Variants in LIFR observed in about 807,000 individuals in gnomAD.
LIFR encodes the protein leukemia inhibitory factor receptor.
Under a neutral mutation model 122.2 loss-of-function variants are expected in LIFR, and 84 were observed. That is an observed-to-expected ratio of 0.69 (90% CI 0.58 to 0.82). The LOEUF is 0.82. LIFR is among the 40% of genes least tolerant of loss of function. The probability of loss-of-function intolerance (pLI) is 0.00; values close to 1 mark genes in which losing one functional copy is unlikely to be tolerated. For synonymous variants in LIFR, 422 were observed against 434.7 expected (o/e 0.97, Z 0.36); for missense variants, 1,294 against 1,311.6 (o/e 0.99, Z 0.21).
At chr5:38,527,495 T>C (rs1034810450) in intron 3 of LIFR, among the ~76,000 whole-genome samples, 2 of 152,218 alleles carry the variant, frequency 1.3e-5, no homozygotes, top group South Asian at 2.1e-4. Flanking sequence ...AACAACCTCA[T>C]TGTACCAAAA....
At chr5:38,583,226 T>G (rs1197035582) in intron 1 of LIFR, among the ~76,000 whole-genome samples, 1 of 152,248 alleles carries the variant, frequency 6.6e-6, no homozygotes, top group South Asian at 2.1e-4. Context: ...TAACACTTTT[T>G]TGATCTTGCA....
Position 38,529,341 on chromosome 5 carries a change from A to G in LIFR, c.143-501T>C, listed in dbSNP as rs528342053. On this transcript the variant is annotated intron_variant, in intron 2 of 19. Coordinates refer to ENST00000453190, the MANE Select transcript of LIFR (RefSeq NM_001127671.2). Reference sequence around the variant, plus strand: ...TTCCAAGTTTTTAAACAAAACTTTGAAACTCCTAGTCACCCCCACCTCATT... The same window carrying G: ...TTCCAAGTTTTTAAACAAAACTTTGGAACTCCTAGTCACCCCCACCTCATT... 2.0e-5 allele frequency among the ~76,000 whole-genome samples: 3 copies of G among 152,274 alleles called. No homozygotes were observed. In the South Asian group the frequency reaches 6.2e-4, roughly 32 times the overall value.
chr5:38,530,776 A>AT (rs1746964027), intron 1 of LIFR, 110 bp from the exon 2 acceptor site: 1 of 999,290 alleles, frequency 1.0e-6, no homozygotes, highest in East Asian at 2.4e-5. Flanking sequence ...AACACTGTAC[A>AT]TTTAGAGACT....
At chr5:38,600,664 C>T (rs895193781) in intron 2 of LIFR, among the ~76,000 whole-genome samples, 3 of 152,168 alleles carry the variant, frequency 2.0e-5, no homozygotes, top group Non-Finnish European at 4.4e-5. Context: ...TTACTTTCAG[C>T]CTCCCTTCCT....
intron 1 of LIFR, among the ~76,000 whole-genome samples, chr5:38,550,804 G>A (rs1314325772): frequency 2.0e-5 from 3 of 152,134 alleles, no homozygotes; most frequent in African/African-American, 7.2e-5. Flanking sequence ...TGGTTACACT[G>A]CCAATCAGGA....
rs376744831 is a variant in LIFR at position 38,475,617 on chromosome 5, AAAAC to A, written c.*5974_*5977del. 17 of 186,464 alleles carry A rather than the reference AAAAC, an allele frequency of 9.1e-5. No individual in the cohort carries two copies. In the East Asian group the frequency reaches 1.4e-3, roughly 16 times the overall value. The allele number at this position is 186,464 out of a possible 1,614,324, so 11.6% of individuals were successfully genotyped here. A position where few individuals can be genotyped will look rare whatever the true frequency, so the allele number is the denominator to read the frequency against. On this transcript the variant is annotated 3_prime_UTR_variant, in exon 20 of 20. Transcript: ENST00000453190. Reference sequence around the variant, plus strand: ...TTTAACATATAATACTCACTTTAAAAAAACATTCATTCTACAAACCTTATAAAAG... The same window carrying A: ...TTTAACATATAATACTCACTTTAAAAATTCATTCTACAAACCTTATAAAAG...
At chr5:38,529,949 C>T (rs547705110) in intron 2 of LIFR, among the ~76,000 whole-genome samples, 2 of 151,948 alleles carry the variant, frequency 1.3e-5, no homozygotes, top group Admixed American at 6.6e-5. Flanking sequence ...ACTAAACCAA[C>T]GGGCAGGAGG....
chr5:38,517,100 A>C (rs991417947), intron 5 of LIFR, among the ~76,000 whole-genome samples: 1 of 152,126 alleles, frequency 6.6e-6, no homozygotes, highest in Non-Finnish European at 1.5e-5. Flanking sequence ...AGAAATACCG[A>C]ATGTAGATGA....
In LIFR at chr5:38,510,707, A is replaced by T; in HGVS notation, c.748T>A (p.Ser250Thr). ...TCTTGAGGAAAAACCTTAGTCTGAG[A>T]ATCAGGTATCCCTAGAAAGAAAAAG... ...PVKNISWIPD[S>T]QTKVFPQDKV... Residue 250 changes from serine (S) to threonine (T), a missense_variant, in exon 7 of 20, where the codon TCT becomes ACT. By Grantham distance (58) the Ser-to-Thr change is moderately conservative. Transcript: ENST00000453190. The T allele has an allele frequency of 6.2e-7, 1 of 1,611,100 alleles. No homozygotes were observed. The highest frequency in any genetic ancestry group is 8.5e-7 in the Non-Finnish European group (1 of 1,177,514).
intron 14 of LIFR, among the ~76,000 whole-genome samples, chr5:38,491,562 G>T (rs1744596790): frequency 6.6e-6 from 1 of 152,210 alleles, no homozygotes; most frequent in Non-Finnish European, 1.5e-5. Flanking sequence ...GCAGCATATG[G>T]CATTGCATTT....
intron 1 of LIFR, among the ~76,000 whole-genome samples, chr5:38,588,825 A>G (rs935576356): frequency 6.6e-6 from 1 of 152,140 alleles, no homozygotes. Context: ...TAGAACTGGA[A>G]TTACTCTAGA....
At chr5:38,564,455 G>A (rs1748939484) in intron 1 of LIFR, among the ~76,000 whole-genome samples, 1 of 151,750 alleles carries the variant, frequency 6.6e-6, no homozygotes, top group Admixed American at 6.6e-5. Context: ...GGGCTCAAAG[G>A]ATCCTCCCAT....
At position 38,485,871 on chromosome 5, in the gene LIFR, T is replaced by C. The variant is rs570053542; in HGVS notation, c.2445A>G (p.Thr815=). ...TSYHLVLRAY[T]DGGVGPEKSM... is the part of the protein sequence containing the mutation. ...TCTTCTCCGGGCCCACTCCACCATCTGTATAGGCTCGCAAGACCAGGTGGT... is the reference window on the plus strand; with the variant it reads ...TCTTCTCCGGGCCCACTCCACCATCCGTATAGGCTCGCAAGACCAGGTGGT... The change falls in exon 17 of 20, where the codon ACA becomes ACG. Residue 815 remains threonine (T), a synonymous_variant. Transcript: ENST00000453190. 21 of 1,614,194 alleles carry C rather than the reference T, an allele frequency of 1.3e-5. No individual in the cohort carries two copies. The East Asian group carries it at 4.2e-4, about 33-fold the overall frequency.
rs1375275652 is a variant in LIFR at position 38,475,361 on chromosome 5, T to C, written c.*6234A>G. 5.1e-6 allele frequency: 1 copy of C among 197,124 alleles called. No individual in the cohort carries two copies. The highest frequency in any genetic ancestry group is 8.1e-5 in the East Asian group (1 of 12,388). 12.2% of individuals were successfully genotyped at this position (197,124 alleles called of 1,614,324 possible). ...CTTCATCTATAGTTTTCTTCCTGTA[T>C]AAGTGTATTGAAATGTTTCCTTATA... On this transcript the variant is annotated 3_prime_UTR_variant, in exon 20 of 20. Transcript: ENST00000453190.
chr5:38,559,756 G>A (rs1369713124), upstream of LIFR, among the ~76,000 whole-genome samples: 1 of 152,228 alleles, frequency 6.6e-6, no homozygotes, highest in Admixed American at 6.5e-5. Flanking sequence ...GTAGCAAAAT[G>A]TTGAGCTGTA....
Position 38,530,625 on chromosome 5 carries a change from A to C in LIFR, c.23T>G (p.Leu8Trp). The change falls in exon 2 of 20, where the codon TTG (leucine) becomes TGG (tryptophan). Residue 8 changes from leucine (L) to tryptophan (W), a missense_variant. Leu to Trp is a moderately conservative substitution (Grantham distance 61). Transcript: ENST00000453190. ...GTCCACCATCCAGGATGGTCGTTTCAAACATACGTAAATATCCATCATCTG... is the reference window on the plus strand; with the variant it reads ...GTCCACCATCCAGGATGGTCGTTTCCAACATACGTAAATATCCATCATCTG... MMDIYVC[L>W]KRPSWMVDNK... 1 of 1,613,708 alleles carries C rather than the reference A, an allele frequency of 6.2e-7. No homozygotes were observed. The highest frequency in any genetic ancestry group is 8.5e-7 in the Non-Finnish European group (1 of 1,179,708).
upstream of LIFR, among the ~76,000 whole-genome samples, chr5:38,560,585 GTTTTGTTTTGTT>G (rs1748797741): frequency 6.7e-6 from 1 of 149,958 alleles, no homozygotes; most frequent in Admixed American, 6.6e-5. Flanking sequence ...GTTTTGTTTT[GTTTTGTTTTGTT>G]TTTTGTTTTT....
At chr5:38,523,880 A>C (rs1353338396) in intron 4 of LIFR, among the ~76,000 whole-genome samples, 4 of 152,208 alleles carry the variant, frequency 2.6e-5, no homozygotes, top group Non-Finnish European at 5.9e-5. Flanking sequence ...AAAAAGGGGA[A>C]CATATATATT....
At chr5:38,541,826 G>A (rs1013778708) in intron 1 of LIFR, among the ~76,000 whole-genome samples, 7 of 152,090 alleles carry the variant, frequency 4.6e-5, no homozygotes, top group Non-Finnish European at 8.8e-5. Flanking sequence ...TGATAATGTT[G>A]ATAACAATAA....
Sources: gnomAD v4.1 joint callset for allele counts (sites outside exome capture counted in the v4.1 genomes callset) on GRCh38, gnomAD v4.1.1 for gene constraint, MANE v1.5 for transcripts, NCBI Gene and HGNC (gene_info 2026-07-23, HGNC 2026-07-21) for gene names.